TTLL5: variants seen among roughly 807,000 people sequenced by gnomAD.
TTLL5 encodes the protein tubulin tyrosine ligase like 5, also known as tubulin polyglutamylase TTLL5.
In TTLL5, 132 loss-of-function variants were observed where a neutral mutation model predicts 168.4. That is an observed-to-expected ratio of 0.78 (90% CI 0.68 to 0.91). The LOEUF is 0.91. Ranked by LOEUF, TTLL5 falls within the 40% of genes least tolerant of loss-of-function variation. TTLL5 has a pLI of 0.00. For missense variants in TTLL5, 1,545 were observed against 1,581.5 expected, an observed-to-expected ratio of 0.98 and a Z score of 0.39; for synonymous variants, 546 against 558.6, an observed-to-expected ratio of 0.98 and a Z score of 0.32.
Position 75,863,912 on chromosome 14 carries a change from A to G in TTLL5, c.3522+50A>G, listed in dbSNP as rs757200188. On this transcript the variant is annotated intron_variant, in intron 29 of 31. Coordinates refer to ENST00000298832, the MANE Select transcript of TTLL5 (RefSeq NM_015072.5). ...TGTGTTATATCTTCCTGCTGTTGGTAAAAAAAAAAAAAAAAAAAAAAAGGT... is the reference window on the plus strand; with the variant it reads ...TGTGTTATATCTTCCTGCTGTTGGTGAAAAAAAAAAAAAAAAAAAAAAGGT... The G allele has an allele frequency of 7.5e-6, 7 of 930,950 alleles. No homozygotes were observed. In the South Asian group the frequency reaches 7.8e-5, roughly 10 times the overall value. The allele number at this position is 930,950 out of a possible 1,614,324, so 57.7% of individuals were successfully genotyped here. A position where few individuals can be genotyped will look rare whatever the true frequency, so the allele number is the denominator to read the frequency against.
At chr14:75,949,967 G>A (rs1309538849) in intron 31 of TTLL5, among the ~76,000 whole-genome samples, 1 of 152,014 alleles carries the variant, frequency 6.6e-6, no homozygotes, top group Non-Finnish European at 1.5e-5. Context: ...AAATTTATAT[G>A]AAAGAGAGAA....
chr14:75,929,805 A>G (rs990829727), intron 31 of TTLL5, among the ~76,000 whole-genome samples: 1 of 152,020 alleles, frequency 6.6e-6, no homozygotes, highest in Non-Finnish European at 1.5e-5. Flanking sequence ...ACCTGGAACC[A>G]TTTTTCCTAT....
intron 31 of TTLL5, among the ~76,000 whole-genome samples, chr14:75,907,146 A>AT (rs977807267): frequency 2.6e-5 from 4 of 152,030 alleles, no homozygotes; most frequent in Admixed American, 1.3e-4. Flanking sequence ...GAGGGAACAA[A>AT]TTTTTTTTCA....
intron 28 of TTLL5, among the ~76,000 whole-genome samples, chr14:75,821,869 C>A (rs764567253): frequency 4.6e-5 from 7 of 152,144 alleles, no homozygotes; most frequent in African/African-American, 1.4e-4. Flanking sequence ...TTTTCCTTTT[C>A]TTTTTACCCA....
intron 9 of TTLL5, chr14:75,711,482 T>C (rs1301460863): frequency 2.0e-5 from 3 of 152,160 alleles, no homozygotes; most frequent in African/African-American, 7.2e-5. Context: ...ATGAAGCTAA[T>C]AGCCAGATTT....
chr14:75,665,702 A>G (rs1045469893), intron 2 of TTLL5, among the ~76,000 whole-genome samples: 1 of 152,262 alleles, frequency 6.6e-6, no homozygotes, highest in East Asian at 1.9e-4. Flanking sequence ...CTACTAAAAT[A>G]CAAAAATTAG....
chr14:75,781,921 C>T (rs1892077197), intron 24 of TTLL5, among the ~76,000 whole-genome samples: 1 of 144,044 alleles, frequency 6.9e-6, no homozygotes, highest in Non-Finnish European at 1.5e-5. Context: ...CGCAATTGCG[C>T]TCCAGCCTAG....
At chr14:75,767,443 A>G (rs1485280611) in intron 20 of TTLL5, among the ~76,000 whole-genome samples, 1 of 152,244 alleles carries the variant, frequency 6.6e-6, no homozygotes, top group Non-Finnish European at 1.5e-5. Flanking sequence ...GTGATCTGGC[A>G]TGAAGAGGTA....
intron 30 of TTLL5, among the ~76,000 whole-genome samples, chr14:75,895,753 C>T (rs908073287): frequency 2.6e-5 from 4 of 151,944 alleles, no homozygotes; most frequent in Middle Eastern, 3.4e-3. Flanking sequence ...TTGTTTAATT[C>T]GAAAAGCTAT....
chr14:75,682,090 C>T (rs527643338), intron 4 of TTLL5, among the ~76,000 whole-genome samples: 34 of 150,332 alleles, frequency 2.3e-4, no homozygotes, highest in Admixed American at 4.7e-4. Context: ...CTCAGGAGCC[C>T]GAGGCAGGAG....
Position 75,782,399 on chromosome 14 carries a change from G to A in TTLL5, c.2516-88G>A, listed in dbSNP as rs1892112060. On this transcript the variant is annotated intron_variant, in intron 24 of 31. Transcript: ENST00000298832. ...TTTCCCAGCATTGATTAGCAGTTGT[G>A]TTATATTTTTGGGAATAAAATTATG... The A allele has an allele frequency of 2.9e-6, 3 of 1,044,124 alleles. No individual in the cohort carries two copies. The Admixed American group carries it at 7.2e-5, about 25-fold the overall frequency. The allele number at this position is 1,044,124 out of a possible 1,614,324, so 64.7% of individuals were successfully genotyped here. A position where few individuals can be genotyped will look rare whatever the true frequency, so the allele number is the denominator to read the frequency against.
intron 31 of TTLL5, among the ~76,000 whole-genome samples, chr14:75,912,031 CAGCTTTACTG>C (rs1228800580): frequency 8.7e-5 from 13 of 150,250 alleles, no homozygotes; most frequent in African/African-American, 3.2e-4. Context: ...AGAGAATCAG[CAGCTTTACTG>C]GCTGAACAGC....
At chr14:75,882,619 TTACA>T (rs2031879087) in intron 29 of TTLL5, 62 bp from the exon 30 acceptor site, 2 of 1,420,232 alleles carry the variant, frequency 1.4e-6, no homozygotes. Context: ...TACAGACTAG[TTACA>T]TACAGTAAAT....
intron 29 of TTLL5, among the ~76,000 whole-genome samples, chr14:75,873,785 A>G (rs1296289605): frequency 2.0e-5 from 3 of 152,114 alleles, no homozygotes; most frequent in Non-Finnish European, 2.9e-5. Flanking sequence ...ACACGGATGT[A>G]CAAATATCTC....
chr14:75,765,547 A>C (rs1400632430), intron 19 of TTLL5, among the ~76,000 whole-genome samples: 2 of 152,040 alleles, frequency 1.3e-5, no homozygotes, highest in African/African-American at 4.8e-5. Flanking sequence ...ACTTTAATGA[A>C]GATTATTAAT....
At chr14:75,798,454 AATTTT>A (rs1226867168) in intron 27 of TTLL5, among the ~76,000 whole-genome samples, 1 of 147,744 alleles carries the variant, frequency 6.8e-6, no homozygotes, top group Non-Finnish European at 1.5e-5. Flanking sequence ...TGTTTGTATC[AATTTT>A]ATTTAGTTAT....
At chr14:75,890,295 A>G (rs992600113) in intron 30 of TTLL5, among the ~76,000 whole-genome samples, 1 of 152,208 alleles carries the variant, frequency 6.6e-6, no homozygotes, top group Admixed American at 6.5e-5. Flanking sequence ...GATTTAAGGA[A>G]ATTAAGAAGA....
intron 28 of TTLL5, among the ~76,000 whole-genome samples, chr14:75,856,625 C>CTT (rs35004666): frequency 3.1e-4 from 30 of 97,226 alleles, no homozygotes; most frequent in South Asian, 3.7e-4. Flanking sequence ...AGTTGTATTG[C>CTT]TTTTTTTTTT....
chr14:75,792,808 C>G, intron 26 of TTLL5, 108 bp from the exon 27 acceptor site: 1 of 913,588 alleles, frequency 1.1e-6, no homozygotes, highest in East Asian at 2.8e-5. Flanking sequence ...TATTAAAGAT[C>G]CTTAGGGTTC....
Sources: gnomAD v4.1 joint callset for allele counts (sites outside exome capture counted in the v4.1 genomes callset) on GRCh38, gnomAD v4.1.1 for gene constraint, MANE v1.5 for transcripts, NCBI Gene and HGNC (gene_info 2026-07-23, HGNC 2026-07-21) for gene names.